Variants in MFN2 observed in about 807,000 individuals in gnomAD.
MFN2 encodes the protein mitofusin-2.
Under a neutral mutation model 87.5 loss-of-function variants are expected in MFN2, and 43 were observed. The ratio of observed to expected loss-of-function variants is 0.49; its 90% CI spans 0.38 to 0.63. The LOEUF (loss-of-function observed/expected upper bound fraction) is 0.63. Among genes scored for constraint, MFN2 ranks in the 30% least tolerant of loss-of-function variants. The pLI, the probability that MFN2 is intolerant of heterozygous loss-of-function variation, is 0.00. For synonymous variants in MFN2, 337 were observed against 359.9 expected (o/e 0.94, Z 0.72); for missense variants, 743 against 972.8 (o/e 0.76, Z 3.14).
chr1:11,981,932 T>TTTTTTTTTTG (rs1645993380), intron 1 of MFN2, 38 bp from the exon 2 acceptor site: 1 of 151,634 alleles, frequency 6.6e-6, no homozygotes, highest in African/African-American at 2.4e-5. Flanking sequence ...TTTTTTTTTT[T>TTTTTTTTTTG]GGACACCGGA....
chr1:11,983,398 C>G (rs1395356351), intron 2 of MFN2, among the ~76,000 whole-genome samples: 2 of 152,188 alleles, frequency 1.3e-5, no homozygotes, highest in African/African-American at 4.8e-5. Context: ...CAAACTGATT[C>G]TACTATTGAA....
Position 11,995,840 on chromosome 1 carries a change from A to G in MFN2, c.312-316A>G, listed in dbSNP as rs929992067. Among the ~76,000 whole-genome samples the G allele has an allele frequency of 4.6e-5, 7 of 152,164 alleles. No individual in the cohort carries two copies. The East Asian group carries it at 1.3e-3, about 29-fold the overall frequency. On this transcript the variant is annotated intron_variant, in intron 4 of 18. Coordinates refer to ENST00000235329, the MANE Select transcript of MFN2 (RefSeq NM_014874.4). Reference sequence around the variant, plus strand: ...TAGTCGGTGTTTCAGGTAGGCCTGAATTAAACTTTGGAGACAGACAGACAG... The same window carrying G: ...TAGTCGGTGTTTCAGGTAGGCCTGAGTTAAACTTTGGAGACAGACAGACAG...
At chr1:11,983,323 G>A (rs1227495934) in intron 2 of MFN2, among the ~76,000 whole-genome samples, 2 of 152,054 alleles carry the variant, frequency 1.3e-5, no homozygotes, top group African/African-American at 4.8e-5. Context: ...TACCCACCTC[G>A]GCCTCCCAGA....
chr1:11,983,117 C>T lies in MFN2; in HGVS notation c.-5+1003C>T, dbSNP rs12026764. ...TGTCACCCAGGCTGGAGTGCAGTGG[C>T]GCGATCTTGCAGTGGCGTGATCTTG... On this transcript the variant is annotated intron_variant, in intron 2 of 18. Transcript: ENST00000235329. Among the ~76,000 whole-genome samples, 8 of 152,124 alleles carry T rather than the reference C, an allele frequency of 5.3e-5. No individual in the cohort carries two copies. In the South Asian group the frequency reaches 1.0e-3, roughly 20 times the overall value.
intron 17 of MFN2, among the ~76,000 whole-genome samples, chr1:12,007,604 A>G (rs1639478433): frequency 1.3e-5 from 2 of 152,050 alleles, no homozygotes; most frequent in African/African-American, 4.8e-5. Context: ...TGCACATCTT[A>G]GGTCAGGTGG....
In MFN2 at chr1:12,009,707, A is replaced by G. The variant is rs1274191966; in HGVS notation, c.2185A>G (p.Ser729Gly). ...KKIEVLDSLQSKAKLLRNKAG... is the reference protein window; with the variant it reads ...KKIEVLDSLQGKAKLLRNKAG... ...AATTGAGGTTCTTGACTCACTTCAG[A>G]GCAAAGCAAAGCTGCTCAGGTGAGG... is the stretch of plus-strand genomic sequence containing the variant. Residue 729 changes from serine to glycine, a missense_variant, in exon 18 of 19, where the codon AGC becomes GGC. By Grantham distance (56) the Ser-to-Gly change is moderately conservative. Transcript: ENST00000235329. 5 of 1,614,130 alleles carry G rather than the reference A, an allele frequency of 3.1e-6. No homozygotes were observed. The highest frequency in any genetic ancestry group is 4.2e-6 in the Non-Finnish European group (5 of 1,180,050).
chr1:12,001,378 G>A (rs1639164580), intron 8 of MFN2, 23 bp from the exon 9 acceptor site: 1 of 1,612,432 alleles, frequency 6.2e-7, no homozygotes, highest in South Asian at 1.1e-5. Flanking sequence ...CACTCACTCT[G>A]GACACATTTG....
chr1:11,997,984 A>C (rs1341362390), intron 6 of MFN2, among the ~76,000 whole-genome samples: 1 of 142,580 alleles, frequency 7.0e-6, no homozygotes, highest in Non-Finnish European at 1.5e-5. Context: ...CCCGGGTTCA[A>C]GTGATTCTCC....
chr1:12,009,186 C>T (rs557566736), intron 17 of MFN2, among the ~76,000 whole-genome samples: 3 of 151,784 alleles, frequency 2.0e-5, no homozygotes, highest in Non-Finnish European at 2.9e-5. Flanking sequence ...AGAGGGAGAC[C>T]GTGGAAAGAG....
In MFN2 at chr1:12,004,958, G is replaced by T; in HGVS notation, c.1495+31G>T. On this transcript the variant is annotated intron_variant, in intron 14 of 18. Transcript: ENST00000235329. The surrounding 1 kb of genome is among the most constrained non-coding windows in gnomAD (Gnocchi z 4.2). The stretch of plus-strand genomic sequence containing the variant: ...TGCCCATGGGGAACTGGGCAGCTGT[G>T]GCCCTGGGCTGCCCAAAGATCAGAT... 6.4e-7 allele frequency: 1 copy of T among 1,555,484 alleles called. No homozygotes were observed. Among genetic ancestry groups the T allele is most frequent in the East Asian group, 2.4e-5 (1 of 42,538 alleles).
chr1:11,988,258 C>T (rs981588296), intron 2 of MFN2, among the ~76,000 whole-genome samples: 1 of 151,886 alleles, frequency 6.6e-6, no homozygotes, highest in African/African-American at 2.4e-5. Context: ...GCCACCACCA[C>T]ACCCGGCTAT....
At chr1:11,995,035 A>C (rs1209201099) in intron 4 of MFN2, among the ~76,000 whole-genome samples, 1 of 152,042 alleles carries the variant, frequency 6.6e-6, no homozygotes, top group East Asian at 1.9e-4. Flanking sequence ...TGAGCCCAGG[A>C]GTTTGAGACC....
At chr1:11,985,830 C>G (rs1447257388) in intron 2 of MFN2, among the ~76,000 whole-genome samples, 1 of 152,150 alleles carries the variant, frequency 6.6e-6, no homozygotes, top group African/African-American at 2.4e-5. Flanking sequence ...TCCCCTCTTT[C>G]TCGAACAGTC....
chr1:12,002,451 T>G (rs778381316), intron 11 of MFN2, among the ~76,000 whole-genome samples: 8 of 152,242 alleles, frequency 5.3e-5, no homozygotes, highest in Non-Finnish European at 1.2e-4. Flanking sequence ...CTCAACACTT[T>G]GGGAGACCAA....
At chr1:12,001,021 T>C (rs757002487) in intron 8 of MFN2, among the ~76,000 whole-genome samples, 4 of 152,168 alleles carry the variant, frequency 2.6e-5, no homozygotes, top group Non-Finnish European at 5.9e-5. Flanking sequence ...GTGAATATAT[T>C]GCCTATTCTT....
At chr1:12,005,977 G>A (rs758173170) in intron 15 of MFN2, 46 bp downstream of exon 15, 2 of 1,570,194 alleles carry the variant, frequency 1.3e-6, no homozygotes, top group East Asian at 2.2e-5. Context: ...GGGTCAGTCT[G>A]TACCCTGCCT....
rs1639263287 is a variant in MFN2 at position 12,003,447 on chromosome 1, C to G, written c.1161-545C>G. 6.6e-6 allele frequency among the ~76,000 whole-genome samples: 1 copy of G among 152,192 alleles called. No individual in the cohort carries two copies. Among genetic ancestry groups the G allele is most frequent in the Non-Finnish European group, 1.5e-5 (1 of 68,038 alleles). On this transcript the variant is annotated intron_variant, in intron 11 of 18. Transcript: ENST00000235329. This position sits in a 1 kb window ranked among gnomAD's most constrained non-coding sequence, Gnocchi z 4.1. ...TGGGAGGCCAAGGCGGATGGATCAC[C>G]TGAGGTCAGGAGTTCAAGACCAGCC...
chr1:11,984,979 G>C (rs569840385), intron 2 of MFN2, among the ~76,000 whole-genome samples: 2 of 152,212 alleles, frequency 1.3e-5, no homozygotes, highest in East Asian at 3.8e-4. Context: ...ACTCAAAGAG[G>C]GGGTCATGGG....
intron 17 of MFN2, among the ~76,000 whole-genome samples, chr1:12,008,458 C>T (rs1381505255): frequency 7.0e-6 from 1 of 143,178 alleles, no homozygotes; most frequent in African/African-American, 2.9e-5. Context: ...GGGCGGCTGG[C>T]CGGGCGGGGA....
Sources: allele counts gnomAD v4.1 joint callset (sites outside exome capture counted in the v4.1 genomes callset), GRCh38; gene constraint gnomAD v4.1.1; non-coding constraint Gnocchi (gnomAD v3.1); transcripts MANE v1.5; gene names NCBI Gene and HGNC (gene_info 2026-07-23, HGNC 2026-07-21).